The following NCKIPSD variants were observed in gnomAD, a reference collection of about 807,000 sequenced individuals.
The protein encoded by NCKIPSD is NCK-interacting protein with SH3 domain.
Under a neutral mutation model 73.4 loss-of-function variants are expected in NCKIPSD, and 48 were observed. The observed-to-expected ratio is 0.65, with a 90% CI of 0.52 to 0.83. The LOEUF (loss-of-function observed/expected upper bound fraction) is 0.83, where lower values mean the gene tolerates loss of function less well. Ranked by LOEUF, NCKIPSD falls within the 40% of genes least tolerant of loss-of-function variation. NCKIPSD has a pLI of 0.00. For missense variants in NCKIPSD, 884 were observed against 970.2 expected (o/e 0.91, Z 1.18); for synonymous variants, 422 against 403.6 (o/e 1.05, Z -0.54).
chr3:48,684,348 G>A (rs1166179206), intron 1 of NCKIPSD, among the ~76,000 whole-genome samples: 1 of 152,174 alleles, frequency 6.6e-6, no homozygotes, highest in East Asian at 1.9e-4. Context: ...TGCCCAGTAG[G>A]GGAAGAGACA....
intron 1 of NCKIPSD, 38 bp downstream of exon 1, chr3:48,685,585 AAGGGGTCCTGCCCC>A: frequency 6.7e-7 from 1 of 1,481,760 alleles, no homozygotes; most frequent in Non-Finnish European, 8.9e-7. Context: ...CGGGGCTGTG[AAGGGGTCCTGCCCC>A]AGGGGCGCGG....
Position 48,674,504 on chromosome 3 carries a change from A to AAG in NCKIPSD, c.*39_*40insCT. The stretch of plus-strand genomic sequence containing the variant: ...AGGGCCAAGCCCCTGAGTCCCCTGC[A>AAG]CACTGACTGGAGCTGCAGGGAAGGG... On this transcript the variant is annotated 3_prime_UTR_variant, in exon 13 of 13. Transcript: ENST00000294129. The AAG allele has an allele frequency of 6.4e-7, 1 of 1,554,368 alleles. No homozygotes were observed. Among genetic ancestry groups the AAG allele is most frequent in the South Asian group, 1.2e-5 (1 of 84,432 alleles).
In NCKIPSD at chr3:48,674,065, C is replaced by T. The variant is rs1370167365; in HGVS notation, c.*479G>A. The T allele has an allele frequency of 9.3e-6, 10 of 1,077,616 alleles. No homozygotes were observed. The African/African-American group carries it at 1.3e-4, about 14-fold the overall frequency. 66.8% of individuals were successfully genotyped at this position (1,077,616 alleles called of 1,614,324 possible). On this transcript the variant is annotated 3_prime_UTR_variant, in exon 13 of 13. Transcript: ENST00000294129. ...GGCCTCTGGGGGTAGGAGTGAAGGG[C>T]AGCGACCCCCATGTGCGGGTGGAGG...
intron 12 of NCKIPSD, among the ~76,000 whole-genome samples, chr3:48,676,542 A>C (rs2077259523): frequency 1.3e-5 from 2 of 152,126 alleles, no homozygotes; most frequent in South Asian, 4.1e-4. Context: ...GTGCAATGAC[A>C]CAATCATGGC....
intron 1 of NCKIPSD, among the ~76,000 whole-genome samples, chr3:48,683,570 G>A (rs1447106240): frequency 6.6e-6 from 1 of 152,150 alleles, no homozygotes; most frequent in Non-Finnish European, 1.5e-5. Context: ...CCCTGCTGCT[G>A]GCCCTCATCC....
At chr3:48,685,228 AGG>A (rs1559497389) in intron 1 of NCKIPSD, among the ~76,000 whole-genome samples, 7 of 33,808 alleles carry the variant, frequency 2.1e-4, no homozygotes, top group Non-Finnish European at 4.6e-4. Context: ...GGAGGGAGGG[AGG>A]TTGGTTGTGG....
At position 48,674,263 on chromosome 3, in the gene NCKIPSD, T is replaced by G; in HGVS notation, c.*281A>C. 1.5e-6 allele frequency: 2 copies of G among 1,316,970 alleles called. No homozygotes were observed. 81.6% of individuals were successfully genotyped at this position (1,316,970 alleles called of 1,614,324 possible). A position where few individuals can be genotyped will look rare whatever the true frequency, so the allele number is the denominator to read the frequency against. On this transcript the variant is annotated 3_prime_UTR_variant, in exon 13 of 13. Coordinates refer to ENST00000294129, the MANE Select transcript of NCKIPSD (RefSeq NM_016453.4). ...GGCAGCAGGACTCTGAGTGTACACA[T>G]GGGTGTGGGGTGAAGAGGGGGGCAT...
chr3:48,681,804 G>A, intron 4 of NCKIPSD, 24 bp from the exon 5 acceptor site: 1 of 1,470,814 alleles, frequency 6.8e-7, no homozygotes, highest in South Asian at 1.4e-5. Context: ...GTAGAAGCTG[G>A]GCCAGGGCAG....
intron 2 of NCKIPSD, 100 bp from the exon 3 acceptor site, chr3:48,682,652 C>T: frequency 7.4e-7 from 1 of 1,348,452 alleles, no homozygotes; most frequent in South Asian, 1.3e-5. Flanking sequence ...CCAGGCCCCT[C>T]AGACATCCCC....
At chr3:48,675,022 CTCTG>C (rs1170770612) in intron 12 of NCKIPSD, among the ~76,000 whole-genome samples, 2 of 152,140 alleles carry the variant, frequency 1.3e-5, no homozygotes, top group African/African-American at 2.4e-5. Flanking sequence ...CTCAAGGTGC[CTCTG>C]TCTATCAGTC....
At position 48,679,658 on chromosome 3, in the gene NCKIPSD, C is replaced by T. The variant is rs1295387750; in HGVS notation, c.1406G>A (p.Ser469Asn). ...LLLKCFGAMC[S>N]LDAAIISTLV... ...CGTGGAGATGATGGCTGCATCCAGG[C>T]TGCACATGGCGCCAAAGCACTTGAG... Residue 469 changes from serine (S) to asparagine (N), a missense_variant, in exon 8 of 13, where the codon AGC becomes AAC. Coordinates refer to ENST00000294129, the MANE Select transcript of NCKIPSD (RefSeq NM_016453.4). 1 of 1,614,198 alleles carries T rather than the reference C, an allele frequency of 6.2e-7. No individual in the cohort carries two copies. The highest frequency in any genetic ancestry group is 1.3e-5 in the African/African-American group (1 of 75,052).
At chr3:48,682,844 A>G in intron 2 of NCKIPSD, 59 bp downstream of exon 2, 1 of 1,518,136 alleles carries the variant, frequency 6.6e-7, no homozygotes, top group Non-Finnish European at 8.9e-7. Flanking sequence ...ACACTCATTG[A>G]AGAACCCCAC....
At chr3:48,684,526 T>C (rs73830474) in intron 1 of NCKIPSD, among the ~76,000 whole-genome samples, 83 of 152,376 alleles carry the variant, frequency 5.4e-4, no homozygotes, top group African/African-American at 1.8e-3. Flanking sequence ...CCATCCTTCC[T>C]GGTAAGACCA....
chr3:48,675,184 TCTC>T lies in NCKIPSD; in HGVS notation c.1966-440_1966-438del, dbSNP rs1246808614. On this transcript the variant is annotated intron_variant, in intron 12 of 12. Coordinates refer to ENST00000294129, the MANE Select transcript of NCKIPSD (RefSeq NM_016453.4). Reference sequence around the variant, plus strand: ...AGAATATTCAACTGCCCACTTGACATCTCCTGCACATGTGACAGACCTCAAATC... The same window carrying T: ...AGAATATTCAACTGCCCACTTGACATCTGCACATGTGACAGACCTCAAATC... Among the ~76,000 whole-genome samples the T allele has an allele frequency of 1.3e-3, 198 of 152,078 alleles. 1 individual carries two copies. The highest frequency in any genetic ancestry group is 3.4e-3 in the Middle Eastern group (1 of 294).
In NCKIPSD at chr3:48,680,134, G is replaced by A. The variant is rs1157638109; in HGVS notation, c.1188C>T (p.Ala396=). 4.3e-6 allele frequency: 7 copies of A among 1,613,968 alleles called. No homozygotes were observed. The highest frequency in any genetic ancestry group is 3.4e-6 in the Non-Finnish European group (4 of 1,180,028). ...CATATAGTGCCCAACTGCGCTGCTG[G>A]GCGTCGTCCTTCCGGCGAGCCAGGT... ...FADLARRKDD[A]QQRSWALYED... is the part of the protein sequence containing the mutation. The change falls in exon 6 of 13, where the codon GCC becomes GCT. Residue 396 remains alanine (A), a synonymous_variant. Transcript: ENST00000294129.
Position 48,682,967 on chromosome 3 carries a change from C to T in NCKIPSD, c.217G>A (p.Ala73Thr), listed in dbSNP as rs1490397234. ...VLQAIDRAIE[A>T]VHNTAMRDGG... ...TCCCGCATGGCTGTGTTGTGTACAG[C>T]CTCGATGGCCCGGTCAATGGCCTGG... Residue 73 changes from alanine to threonine, a missense_variant, in exon 2 of 13, where the codon GCT becomes ACT. Transcript: ENST00000294129. 6.4e-7 allele frequency: 1 copy of T among 1,551,956 alleles called. No individual in the cohort carries two copies. Among genetic ancestry groups the T allele is most frequent in the Admixed American group, 2.0e-5 (1 of 51,174 alleles).
At position 48,679,421 on chromosome 3, in the gene NCKIPSD, G is replaced by A; in HGVS notation, c.1526C>T (p.Ala509Val). The change falls in exon 9 of 13, where the codon GCC becomes GTC. Residue 509 changes from alanine (A) to valine (V), a missense_variant. Physicochemically the swap from Ala to Val is moderately conservative, Grantham distance 64 (BLOSUM62 0). Transcript: ENST00000294129. ...QKLCYSALIL[A>V]MVFSMGEAVP... ...TGCCTCTCCCATGGAGAAGACCATG[G>A]CCAGGATGAGGGCAGAGTAACAGAG... 4 of 1,614,034 alleles carry A rather than the reference G, an allele frequency of 2.5e-6. No individual in the cohort carries two copies. Among genetic ancestry groups the A allele is most frequent in the Non-Finnish European group, 2.5e-6 (3 of 1,179,936 alleles).
chr3:48,682,469 C>T lies in NCKIPSD; in HGVS notation c.365G>A (p.Ser122Asn). ...TGCAGCAGCATCCAAGTGGTGGTCACTGGTTGATGAGGTCATAACTGCAAC... is the reference window on the plus strand; with the variant it reads ...TGCAGCAGCATCCAAGTGGTGGTCATTGGTTGATGAGGTCATAACTGCAAC... Reference protein sequence around the residue: ...SSVAVMTSSTSDHHLDAAAAR... With the variant: ...SSVAVMTSSTNDHHLDAAAAR... The change falls in exon 3 of 13, where the codon AGT (serine) becomes AAT (asparagine). Residue 122 changes from serine (S) to asparagine (N), a missense_variant. Physicochemically the swap from Ser to Asn is conservative, Grantham distance 46. Transcript: ENST00000294129. 6.2e-7 allele frequency: 1 copy of T among 1,614,178 alleles called. No homozygotes were observed. Among genetic ancestry groups the T allele is most frequent in the Non-Finnish European group, 8.5e-7 (1 of 1,180,016 alleles).
intron 1 of NCKIPSD, among the ~76,000 whole-genome samples, chr3:48,684,612 A>G (rs1386950353): frequency 6.6e-6 from 1 of 152,196 alleles, no homozygotes; most frequent in Non-Finnish European, 1.5e-5. Context: ...AAGGATAAGG[A>G]CTAGGACGGG....
Sources: allele counts gnomAD v4.1 joint callset (sites outside exome capture counted in the v4.1 genomes callset), GRCh38; gene constraint gnomAD v4.1.1; transcripts MANE v1.5; gene names NCBI Gene and HGNC (gene_info 2026-07-23, HGNC 2026-07-21).